The following MAGI2 variants were observed in gnomAD, a reference collection of about 807,000 sequenced individuals.
The protein encoded by MAGI2 is membrane-associated guanylate kinase, WW and PDZ domain-containing protein 2.
MAGI2 carries 35 observed loss-of-function variants against 133.3 expected under a neutral mutation model. The ratio of observed to expected loss-of-function variants is 0.26; its 90% CI spans 0.20 to 0.35. The LOEUF (loss-of-function observed/expected upper bound fraction) is 0.35, where lower values mean the gene tolerates loss of function less well. Among genes scored for constraint, MAGI2 ranks in the 10% least tolerant of loss-of-function variants. The pLI is 1.00. For missense variants in MAGI2, 1,636 were observed against 1,863.4 expected, an observed-to-expected ratio of 0.88 and a Z score of 2.25; for synonymous variants, 729 against 710.6, an observed-to-expected ratio of 1.03 and a Z score of -0.41.
chr7:78,527,188 G>A (rs971854394), intron 3 of MAGI2, among the ~76,000 whole-genome samples: 4 of 152,026 alleles, frequency 2.6e-5, no homozygotes, highest in African/African-American at 7.2e-5. Context: ...GACTAATTAT[G>A]AGCTAAACCT....
intron 2 of MAGI2, among the ~76,000 whole-genome samples, chr7:78,759,901 G>A (rs1585318568): frequency 6.6e-6 from 1 of 152,292 alleles, no homozygotes; most frequent in East Asian, 1.9e-4. Context: ...GGCCAAGTGG[G>A]CGGATCATGA....
At chr7:78,834,053 C>T (rs1247741899) in intron 2 of MAGI2, among the ~76,000 whole-genome samples, 2 of 152,120 alleles carry the variant, frequency 1.3e-5, no homozygotes, top group African/African-American at 2.4e-5. Flanking sequence ...AGCTAGAGTG[C>T]AGTGGTGTAA....
At chr7:78,242,289 C>T (rs889113039) in intron 10 of MAGI2, among the ~76,000 whole-genome samples, 14 of 152,136 alleles carry the variant, frequency 9.2e-5, no homozygotes, top group Admixed American at 6.5e-5. Flanking sequence ...GAGAGGGATG[C>T]GAAGGTCCTA....
intron 6 of MAGI2, among the ~76,000 whole-genome samples, chr7:78,479,780 C>T (rs11973630): frequency 0.37 from 56,308 of 151,616 alleles, 10,898 homozygotes; most frequent in East Asian, 0.6. Flanking sequence ...AAACTAATCC[C>T]GATAATCAAG....
At chr7:78,735,195 G>T (rs1821731415) in intron 2 of MAGI2, among the ~76,000 whole-genome samples, 1 of 152,032 alleles carries the variant, frequency 6.6e-6, no homozygotes, top group African/African-American at 2.4e-5. Flanking sequence ...TTTTAATATG[G>T]TAGAAAAATT....
rs1320390413 is a variant in MAGI2 at position 78,573,365 on chromosome 7, A to AAAATATATATATATATATATATAT, written c.539-51721_539-51720insATATATATATATATATATATATTT. 7.6e-4 allele frequency among the ~76,000 whole-genome samples: 22 copies of AAAATATATATATATATATATATAT among 29,032 alleles called. 2 individuals carry two copies. Among genetic ancestry groups the AAAATATATATATATATATATATAT allele is most frequent in the African/African-American group, 9.2e-4 (5 of 5,412 alleles). The allele number at this position is 29,032 out of a possible 152,430, so 19.0% of individuals were successfully genotyped here. ...ATATATAGAGAGAGAGAATCCTGGA[A>AAAATATATATATATATATATATAT]ATATATATATATATATATATATATA... On this transcript the variant is annotated intron_variant, in intron 3 of 21. Transcript: ENST00000354212.
intron 1 of MAGI2, chr7:79,011,004 A>G (rs554093774): frequency 1.6e-3 from 238 of 152,216 alleles, no homozygotes; most frequent in African/African-American, 5.5e-3. Flanking sequence ...TGAACTTAAC[A>G]TCAAAATATA....
chr7:78,704,650 A>C (rs73382118), intron 2 of MAGI2, among the ~76,000 whole-genome samples: 2,281 of 152,222 alleles, frequency 0.015, 50 homozygotes, highest in African/African-American at 0.053. Context: ...GAGTCAACCT[A>C]AATGCCCATT....
intron 3 of MAGI2, among the ~76,000 whole-genome samples, chr7:78,565,621 C>T (rs111701201): frequency 5.3e-5 from 8 of 151,946 alleles, no homozygotes; most frequent in Non-Finnish European, 8.8e-5. Context: ...TTAAATAAAA[C>T]ATTTGCTTTT....
intron 2 of MAGI2, among the ~76,000 whole-genome samples, chr7:78,883,116 G>T (rs908862916): frequency 1.3e-5 from 2 of 151,922 alleles, no homozygotes; most frequent in African/African-American, 2.4e-5. Context: ...CTAATGTATC[G>T]AAAGAAGTCT....
intron 6 of MAGI2, among the ~76,000 whole-genome samples, chr7:78,471,805 A>T (rs1157051679): frequency 1.3e-5 from 2 of 151,942 alleles, no homozygotes. Context: ...TGCACTTGTA[A>T]TCCCAGCTAC....
intron 1 of MAGI2, chr7:79,353,300 A>G: frequency 2.7e-6 from 1 of 366,404 alleles, no homozygotes; most frequent in South Asian, 2.0e-5. Flanking sequence ...CACCCTGAAC[A>G]CATTCACGAT....
At chr7:79,160,950 A>G (rs1322697520) in intron 1 of MAGI2, among the ~76,000 whole-genome samples, 2 of 152,038 alleles carry the variant, frequency 1.3e-5, no homozygotes. Context: ...GCTGTCTCTC[A>G]TAGGTCTTAC....
chr7:78,586,360 C>G (rs552025445), intron 3 of MAGI2, among the ~76,000 whole-genome samples: 1 of 151,850 alleles, frequency 6.6e-6, no homozygotes, highest in African/African-American at 2.4e-5. Context: ...AGAGTCCCCC[C>G]CAAACACCCC....
rs1022681165 is a variant in MAGI2 at position 78,636,901 on chromosome 7, C to T, written c.419-9662G>A. On this transcript the variant is annotated intron_variant, in intron 2 of 21. Coordinates refer to ENST00000354212, the MANE Select transcript of MAGI2 (RefSeq NM_012301.4). ...CTTGTTAAAGCACAGATAGCTGGTT[C>T]TCACTCCCCAGAGTCTCTGAGTCAC... Among the ~76,000 whole-genome samples, 4 of 152,180 alleles carry T rather than the reference C, an allele frequency of 2.6e-5. No homozygotes were observed. In the East Asian group the frequency reaches 5.8e-4, roughly 22 times the overall value.
At chr7:78,909,288 G>A (rs1450684311) in intron 2 of MAGI2, among the ~76,000 whole-genome samples, 2 of 151,766 alleles carry the variant, frequency 1.3e-5, no homozygotes, top group African/African-American at 4.8e-5. Flanking sequence ...TGTCAGAATG[G>A]CAATCATTAA....
intron 2 of MAGI2, among the ~76,000 whole-genome samples, chr7:78,998,152 T>C (rs895127678): frequency 6.6e-6 from 1 of 152,192 alleles, no homozygotes; most frequent in African/African-American, 2.4e-5. Context: ...AGTACATGCA[T>C]GGCTGGTTTT....
intron 2 of MAGI2, among the ~76,000 whole-genome samples, chr7:78,895,997 T>C (rs1797184576): frequency 6.6e-6 from 1 of 152,184 alleles, no homozygotes; most frequent in South Asian, 2.1e-4. Flanking sequence ...CAATTTTTCT[T>C]ATGTTTTAAA....
chr7:78,659,680 A>G (rs920212287), intron 2 of MAGI2, among the ~76,000 whole-genome samples: 5 of 152,114 alleles, frequency 3.3e-5, no homozygotes, highest in Middle Eastern at 3.2e-3. Context: ...AAAGGACAAC[A>G]TGGGATCTTC....
Sources: allele counts gnomAD v4.1 joint callset (sites outside exome capture counted in the v4.1 genomes callset), GRCh38; gene constraint gnomAD v4.1.1; transcripts MANE v1.5; gene names NCBI Gene and HGNC (gene_info 2026-07-23, HGNC 2026-07-21).